Variants in FMN1 observed in about 807,000 individuals in gnomAD.
The protein encoded by FMN1 is formin-1.
In FMN1, 110 loss-of-function variants were observed where a neutral mutation model predicts 132.4. That is an observed-to-expected ratio of 0.83 (90% confidence interval 0.71 to 0.97). The LOEUF (loss-of-function observed/expected upper bound fraction) is 0.97. Ranked by LOEUF, FMN1 falls within the 50% of genes least tolerant of loss-of-function variation. The pLI, the probability that FMN1 is intolerant of heterozygous loss-of-function variation, is 0.00. For synonymous variants in FMN1, 722 were observed against 651.7 expected (o/e 1.11, Z -1.64); for missense variants, 1,792 against 1,705.3 (o/e 1.05, Z -0.90).
intron 5 of FMN1, among the ~76,000 whole-genome samples, chr15:33,082,611 T>C (rs1031283612): frequency 6.6e-6 from 1 of 152,180 alleles, no homozygotes; most frequent in Non-Finnish European, 1.5e-5. Context: ...TCTCTGACTA[T>C]ATTCAGTTGC....
chr15:33,020,899 T>C (rs1247365423), intron 6 of FMN1, among the ~76,000 whole-genome samples: 1 of 152,268 alleles, frequency 6.6e-6, no homozygotes, highest in Non-Finnish European at 1.5e-5. Flanking sequence ...TATATGTTAA[T>C]GTGAACGACT....
chr15:32,815,259 T>C (rs2058021565), intron 17 of FMN1, among the ~76,000 whole-genome samples: 1 of 152,222 alleles, frequency 6.6e-6, no homozygotes, highest in Non-Finnish European at 1.5e-5. Context: ...TTATTTTTAT[T>C]TCTTCTTTAA....
intron 7 of FMN1, among the ~76,000 whole-genome samples, chr15:32,987,398 A>T (rs1453667607): frequency 6.6e-6 from 1 of 152,166 alleles, no homozygotes; most frequent in Non-Finnish European, 1.5e-5. Context: ...ACTCCGAATA[A>T]TTACAAACTA....
At chr15:32,961,238 A>C (rs1199284101) in intron 9 of FMN1, among the ~76,000 whole-genome samples, 5 of 150,036 alleles carry the variant, frequency 3.3e-5, no homozygotes, top group Non-Finnish European at 5.9e-5. Flanking sequence ...GGTTAAAGCG[A>C]TTCTCCTGCC....
At chr15:33,016,899 G>A (rs995880206) in intron 6 of FMN1, among the ~76,000 whole-genome samples, 2 of 152,166 alleles carry the variant, frequency 1.3e-5, no homozygotes, top group Non-Finnish European at 2.9e-5. Context: ...AAAACCCCAA[G>A]CCAGTTTTCT....
At chr15:33,025,412 T>C (rs2035619978) in intron 6 of FMN1, among the ~76,000 whole-genome samples, 2 of 152,116 alleles carry the variant, frequency 1.3e-5, no homozygotes, top group Admixed American at 1.3e-4. Flanking sequence ...CACTGACATA[T>C]TTGCAAAAAA....
chr15:33,117,843 G>A (rs1269525365), intron 4 of FMN1, among the ~76,000 whole-genome samples: 1 of 152,194 alleles, frequency 6.6e-6, no homozygotes, highest in Non-Finnish European at 1.5e-5. Context: ...TAGCAAATTA[G>A]TGTTTGAACT....
At chr15:32,898,619 T>A (rs141143549) in intron 15 of FMN1, among the ~76,000 whole-genome samples, 2 of 152,298 alleles carry the variant, frequency 1.3e-5, no homozygotes, top group East Asian at 3.9e-4. Context: ...TTATAGTCGA[T>A]TGAGACTCAG....
chr15:33,012,627 T>C (rs1173342472), intron 6 of FMN1: 2 of 938,084 alleles, frequency 2.1e-6, no homozygotes, highest in Non-Finnish European at 3.5e-6. Flanking sequence ...ACACTGCAAA[T>C]GACCACAACT....
At chr15:33,060,063 T>C (rs919786179) in intron 6 of FMN1, among the ~76,000 whole-genome samples, 3 of 152,214 alleles carry the variant, frequency 2.0e-5, no homozygotes, top group Non-Finnish European at 2.9e-5. Flanking sequence ...ACCCACAAAC[T>C]GCAAGACTTT....
chr15:32,901,888 TTTAAA>T lies in FMN1; in HGVS notation c.3507+18_3507+22del. ...TTTACTCTTCAGAGCAAGGCTATCT[TTTAAA>T]TTAGACAGTAAACATACCTTAGAAG... On this transcript the variant is annotated intron_variant, in intron 13 of 20. Coordinates refer to ENST00000616417, the MANE Select transcript of FMN1 (RefSeq NM_001277313.2). The T allele has an allele frequency of 6.3e-7, 1 of 1,588,302 alleles. No homozygotes were observed. The highest frequency in any genetic ancestry group is 8.5e-7 in the Non-Finnish European group (1 of 1,170,514).
At chr15:33,041,598 G>A (rs942865632) in intron 6 of FMN1, among the ~76,000 whole-genome samples, 1 of 151,870 alleles carries the variant, frequency 6.6e-6, no homozygotes, top group Non-Finnish European at 1.5e-5. Flanking sequence ...CATACAAATG[G>A]CTAATAAGCA....
intron 6 of FMN1, among the ~76,000 whole-genome samples, chr15:33,032,539 T>C (rs1039871170): frequency 1.3e-5 from 2 of 152,226 alleles, no homozygotes; most frequent in Non-Finnish European, 2.9e-5. Flanking sequence ...ACATTGGGGT[T>C]ATGTCCTGAT....
intron 3 of FMN1, among the ~76,000 whole-genome samples, chr15:33,174,040 A>G (rs1005119969): frequency 2.0e-5 from 3 of 152,130 alleles, no homozygotes; most frequent in African/African-American, 7.2e-5. Context: ...GTTCAATATA[A>G]TATGTATTAT....
chr15:32,976,723 G>T (rs2032235309), intron 7 of FMN1, among the ~76,000 whole-genome samples: 1 of 152,138 alleles, frequency 6.6e-6, no homozygotes, highest in Non-Finnish European at 1.5e-5. Context: ...AAACAGGGCA[G>T]GAAAAGAAGG....
At chr15:32,798,222 T>C in intron 19 of FMN1, among the ~76,000 whole-genome samples, 1 of 140,494 alleles carries the variant, frequency 7.1e-6, no homozygotes, top group South Asian at 2.2e-4. Context: ...ACACACCCCG[T>C]CTATATTCAG....
chr15:33,163,752 G>A (rs939875598), intron 3 of FMN1, among the ~76,000 whole-genome samples: 5 of 151,934 alleles, frequency 3.3e-5, no homozygotes, highest in Non-Finnish European at 5.9e-5. Context: ...CAAGTAGCTG[G>A]GATTACAGGC....
intron 19 of FMN1, among the ~76,000 whole-genome samples, chr15:32,785,138 G>T (rs1315317846): frequency 7.2e-6 from 1 of 139,842 alleles, no homozygotes; most frequent in Non-Finnish European, 1.6e-5. Flanking sequence ...TGCTAGGGGT[G>T]TGTGTGTGTG....
At chr15:33,054,318 G>C (rs2037117061) in intron 6 of FMN1, among the ~76,000 whole-genome samples, 1 of 152,122 alleles carries the variant, frequency 6.6e-6, no homozygotes, top group Admixed American at 6.5e-5. Context: ...ATCTCACCAA[G>C]ATGTTCTTTA....
Sources: allele counts gnomAD v4.1 joint callset (sites outside exome capture counted in the v4.1 genomes callset), GRCh38; gene constraint gnomAD v4.1.1; transcripts MANE v1.5; gene names NCBI Gene and HGNC (gene_info 2026-07-23, HGNC 2026-07-21).